RCOR1: variants seen among roughly 807,000 people sequenced by gnomAD.
RCOR1 encodes REST corepressor.
A neutral mutation model predicts 64.0 loss-of-function variants in RCOR1; 12 were observed. The observed-to-expected ratio is 0.19, with a 90% CI of 0.12 to 0.30. The LOEUF (loss-of-function observed/expected upper bound fraction) is 0.30, where lower values mean the gene tolerates loss of function less well. Ranked by LOEUF, RCOR1 falls within the 10% of genes least tolerant of loss-of-function variation. The pLI is 1.00. For missense variants in RCOR1, 502 were observed against 621.2 expected, an observed-to-expected ratio of 0.81 and a Z score of 2.04; for synonymous variants, 279 against 227.2, an observed-to-expected ratio of 1.23 and a Z score of -2.05.
intron 2 of RCOR1, among the ~76,000 whole-genome samples, chr14:102,680,515 A>G (rs928074263): frequency 2.6e-5 from 4 of 152,312 alleles, no homozygotes; most frequent in South Asian, 4.1e-4. Context: ...TCTATAAAAA[A>G]GGTATACTTG....
intron 3 of RCOR1, among the ~76,000 whole-genome samples, chr14:102,683,242 A>T (rs1895342270): frequency 6.6e-6 from 1 of 152,172 alleles, no homozygotes; most frequent in Admixed American, 6.5e-5. Flanking sequence ...TAACCTGTCC[A>T]CTGAGGCTCC....
chr14:102,616,465 C>T (rs116737150), intron 2 of RCOR1, among the ~76,000 whole-genome samples: 307 of 152,008 alleles, frequency 2.0e-3, no homozygotes, highest in African/African-American at 7.0e-3. Context: ...GAGATGGGGT[C>T]TTGCTGTATT....
chr14:102,640,546 T>G (rs1177342443), intron 2 of RCOR1, among the ~76,000 whole-genome samples: 1 of 152,198 alleles, frequency 6.6e-6, no homozygotes, highest in Non-Finnish European at 1.5e-5. Flanking sequence ...TTTTTTAAAA[T>G]TAATTTTTAA....
chr14:102,717,570 G>A (rs985821146), intron 8 of RCOR1, among the ~76,000 whole-genome samples: 2 of 152,174 alleles, frequency 1.3e-5, no homozygotes, highest in African/African-American at 2.4e-5. Flanking sequence ...GTGTGAGAGA[G>A]CATTTGAAGT....
chr14:102,612,801 C>T (rs1893658357), intron 2 of RCOR1, among the ~76,000 whole-genome samples: 1 of 151,560 alleles, frequency 6.6e-6, no homozygotes, highest in Non-Finnish European at 1.5e-5. Context: ...TCAGCTTGGG[C>T]AACATAGCAA....
intron 2 of RCOR1, among the ~76,000 whole-genome samples, chr14:102,678,036 C>CAA (rs373327959): frequency 8.4e-5 from 12 of 143,272 alleles, no homozygotes; most frequent in African/African-American, 2.8e-4. Context: ...CCGTCTCCAC[C>CAA]AAAAAAAAAA....
At chr14:102,660,500 C>T (rs1466002907) in intron 2 of RCOR1, among the ~76,000 whole-genome samples, 2 of 152,100 alleles carry the variant, frequency 1.3e-5, no homozygotes, top group Non-Finnish European at 2.9e-5. Context: ...GCAATCCTCC[C>T]ACCTTAGCCT....
At chr14:102,594,440 T>C (rs1246720543) in intron 2 of RCOR1, among the ~76,000 whole-genome samples, 1 of 152,172 alleles carries the variant, frequency 6.6e-6, no homozygotes, top group African/African-American at 2.4e-5. Flanking sequence ...AGGCGATTGC[T>C]CTCAAGCTGT....
chr14:102,605,684 G>T (rs1008674624), intron 2 of RCOR1, among the ~76,000 whole-genome samples: 1 of 152,144 alleles, frequency 6.6e-6, no homozygotes, highest in Non-Finnish European at 1.5e-5. Context: ...GCTATACTTT[G>T]TATGGTTATT....
chr14:102,635,445 A>T (rs938840624), intron 2 of RCOR1, among the ~76,000 whole-genome samples: 3 of 152,188 alleles, frequency 2.0e-5, no homozygotes, highest in African/African-American at 7.2e-5. Context: ...CGGAGGTTGC[A>T]GTGAGCTGAG....
intron 3 of RCOR1, among the ~76,000 whole-genome samples, chr14:102,682,604 C>T (rs1895329117): frequency 6.6e-6 from 1 of 152,188 alleles, no homozygotes; most frequent in Non-Finnish European, 1.5e-5. Flanking sequence ...CTAGTTGCTT[C>T]AGGTGCCTTT....
At chr14:102,607,491 A>T (rs1893536669) in intron 2 of RCOR1, among the ~76,000 whole-genome samples, 1 of 152,120 alleles carries the variant, frequency 6.6e-6, no homozygotes, top group Non-Finnish European at 1.5e-5. Context: ...TCATGCGTGT[A>T]ATCCCAGTGC....
rs1390477831 is a variant in RCOR1 at position 102,652,480 on chromosome 14, C to T, written c.362-29415C>T. ...CTTTACCTAATTCTGTGTCCTCAAA[C>T]GCCCTGTTTTCTTTAGGTGATTATA... On this transcript the variant is annotated intron_variant, in intron 2 of 11. Transcript: ENST00000262241. Among the ~76,000 whole-genome samples, 8 of 144,784 alleles carry T rather than the reference C, an allele frequency of 5.5e-5. No homozygotes were observed. In the Admixed American group the frequency reaches 5.7e-4, roughly 10 times the overall value. 95.0% of individuals were successfully genotyped at this position (144,784 alleles called of 152,430 possible).
chr14:102,611,155 C>T (rs574530775), intron 2 of RCOR1, among the ~76,000 whole-genome samples: 10 of 152,042 alleles, frequency 6.6e-5, no homozygotes, highest in Admixed American at 3.3e-4. Context: ...CTGCAGCCTC[C>T]GCCCCCACAC....
At chr14:102,625,231 C>CTTTTTTTTTTT (rs61403856) in intron 2 of RCOR1, among the ~76,000 whole-genome samples, 3 of 79,176 alleles carry the variant, frequency 3.8e-5, no homozygotes, top group Non-Finnish European at 6.7e-5. Context: ...TATCTTGTTA[C>CTTTTTTTTTTT]TTTTTTTTTT....
At chr14:102,675,718 A>G (rs1195439571) in intron 2 of RCOR1, among the ~76,000 whole-genome samples, 4 of 152,194 alleles carry the variant, frequency 2.6e-5, no homozygotes, top group Non-Finnish European at 4.4e-5. Context: ...TTCATATACC[A>G]CCACCACAAT....
intron 3 of RCOR1, among the ~76,000 whole-genome samples, chr14:102,685,480 C>T (rs1046390052): frequency 1.3e-5 from 2 of 150,500 alleles, no homozygotes; most frequent in African/African-American, 2.4e-5. Flanking sequence ...ATGAATTGTA[C>T]ATTTCTTTTT....
intron 2 of RCOR1, among the ~76,000 whole-genome samples, chr14:102,620,001 T>G (rs1175966525): frequency 6.6e-6 from 1 of 152,214 alleles, no homozygotes; most frequent in African/African-American, 2.4e-5. Context: ...ATAGAATTAC[T>G]TCTCATTGCT....
In RCOR1 at chr14:102,727,281, A is replaced by ACT. The variant is rs1896286396; in HGVS notation, c.*776_*777insTC. ...GTGGTTGCCACCCCATCTTTTCCTG[A>ACT]CCCCCCCCACCCCCCCACCTCCAAG... On this transcript the variant is annotated 3_prime_UTR_variant, in exon 12 of 12. Coordinates refer to ENST00000262241, the MANE Select transcript of RCOR1 (RefSeq NM_015156.4). 1 of 118,172 alleles carries ACT rather than the reference A, an allele frequency of 8.5e-6. No homozygotes were observed. The highest frequency in any genetic ancestry group is 3.2e-5 in the African/African-American group (1 of 31,538). 7.3% of individuals were successfully genotyped at this position (118,172 alleles called of 1,614,324 possible).
Sources: allele counts gnomAD v4.1 joint callset (sites outside exome capture counted in the v4.1 genomes callset), GRCh38; gene constraint gnomAD v4.1.1; transcripts MANE v1.5; gene names NCBI Gene and HGNC (gene_info 2026-07-23, HGNC 2026-07-21).